Variants in PLEKHH2 observed in about 807,000 individuals in gnomAD.
The protein encoded by PLEKHH2 is pleckstrin homology domain-containing family H member 2.
PLEKHH2 carries 129 observed loss-of-function variants against 187.9 expected under a neutral mutation model. That is an observed-to-expected ratio of 0.69 (90% CI 0.59 to 0.79). The LOEUF (loss-of-function observed/expected upper bound fraction) is 0.79, where lower values mean the gene tolerates loss of function less well. Among genes scored for constraint, PLEKHH2 ranks in the 30% least tolerant of loss-of-function variants. PLEKHH2 has a pLI of 0.00. For synonymous variants in PLEKHH2, 686 were observed against 605.6 expected (o/e 1.13, Z -1.95); for missense variants, 2,076 against 1,751.2 (o/e 1.19, Z -3.31).
chr2:43,689,513 T>G (rs1323036096), intron 3 of PLEKHH2, among the ~76,000 whole-genome samples: 1 of 152,214 alleles, frequency 6.6e-6, no homozygotes, highest in Non-Finnish European at 1.5e-5. Flanking sequence ...TCCATATGGT[T>G]GTGGTGAGAT....
chr2:43,754,197 C>CAAAA (rs1339971889), intron 25 of PLEKHH2, among the ~76,000 whole-genome samples: 2 of 125,104 alleles, frequency 1.6e-5, no homozygotes, highest in African/African-American at 7.6e-5. Context: ...CACACACACA[C>CAAAA]ACACACACAA....
At chr2:43,747,109 C>CCCT (rs1671814983) in intron 24 of PLEKHH2, among the ~76,000 whole-genome samples, 73 of 126,270 alleles carry the variant, frequency 5.8e-4, no homozygotes, top group African/African-American at 2.1e-3. Flanking sequence ...TCTCTCTCTC[C>CCCT]CTCTCTCTCT....
At chr2:43,761,104 T>C (rs1177510643) in intron 27 of PLEKHH2, among the ~76,000 whole-genome samples, 1 of 152,188 alleles carries the variant, frequency 6.6e-6, no homozygotes, top group Non-Finnish European at 1.5e-5. Context: ...CCTTTGCAAA[T>C]CAGCCCTCAG....
chr2:43,683,780 C>T (rs991005548), intron 3 of PLEKHH2, among the ~76,000 whole-genome samples: 1 of 146,906 alleles, frequency 6.8e-6, no homozygotes, highest in African/African-American at 2.5e-5. Flanking sequence ...ATCTCTCTCT[C>T]TCTCTTTTTT....
At chr2:43,677,852 G>A (rs548609353) in intron 2 of PLEKHH2, among the ~76,000 whole-genome samples, 91 of 145,838 alleles carry the variant, frequency 6.2e-4, no homozygotes, top group African/African-American at 2.0e-3. Flanking sequence ...CCTCCCTCCC[G>A]GACGGGGCGG....
At chr2:43,705,251 CTTTTTTT>C (rs5830767) in intron 9 of PLEKHH2, among the ~76,000 whole-genome samples, 4 of 95,864 alleles carry the variant, frequency 4.2e-5, no homozygotes, top group African/African-American at 1.7e-4. Flanking sequence ...AAATTTTATC[CTTTTTTT>C]TTTTTTTTTT....
intron 11 of PLEKHH2, 148 bp from the exon 12 acceptor site, chr2:43,709,842 G>T (rs1436932501): frequency 1.2e-6 from 1 of 865,208 alleles, no homozygotes; most frequent in Non-Finnish European, 1.7e-6. Context: ...CTCAAAAAAA[G>T]TTATTTATGG....
At chr2:43,717,922 A>G (rs1670291022) in intron 15 of PLEKHH2, among the ~76,000 whole-genome samples, 1 of 152,228 alleles carries the variant, frequency 6.6e-6, no homozygotes, top group African/African-American at 2.4e-5. Flanking sequence ...TTATCATCCA[A>G]GAGTTTCACC....
intron 1 of PLEKHH2, among the ~76,000 whole-genome samples, chr2:43,638,482 AC>A: frequency 6.6e-6 from 1 of 152,354 alleles, no homozygotes; most frequent in South Asian, 2.1e-4. Flanking sequence ...CATTCACTCC[AC>A]AATTGTAAAC....
chr2:43,693,995 G>A (rs1443304726), intron 4 of PLEKHH2, among the ~76,000 whole-genome samples: 1 of 151,998 alleles, frequency 6.6e-6, no homozygotes, highest in Non-Finnish European at 1.5e-5. Context: ...TTTAAGGCTG[G>A]TAAATGAGAG....
chr2:43,718,927 A>G (rs1431847956), intron 15 of PLEKHH2, among the ~76,000 whole-genome samples: 4 of 152,286 alleles, frequency 2.6e-5, no homozygotes, highest in Non-Finnish European at 5.9e-5. Context: ...GGAGTTACTC[A>G]TTTGCTTAAA....
chr2:43,697,356 G>A lies in PLEKHH2; in HGVS notation c.688G>A (p.Glu230Lys). 1 of 1,599,588 alleles carries A rather than the reference G, an allele frequency of 6.3e-7. No homozygotes were observed. The highest frequency in any genetic ancestry group is 8.5e-7 in the Non-Finnish European group (1 of 1,172,742). ...GTTCACTGAAGGAAAAGACATGGAA[G>A]GTATTTATGAACTACAGGAATTGAC... The part of the protein sequence containing the change: ...PEFTEGKDME[E>K]MEIPEKSVDN... The change falls in exon 7 of 30, where the codon GAA becomes AAA. Residue 230 changes from glutamate (E) to lysine (K), a missense_variant and splice_region_variant. Coordinates refer to ENST00000282406, the MANE Select transcript of PLEKHH2 (RefSeq NM_172069.4).
intron 3 of PLEKHH2, among the ~76,000 whole-genome samples, chr2:43,689,719 C>G (rs1052893465): frequency 1.2e-4 from 18 of 152,124 alleles, no homozygotes; most frequent in Non-Finnish European, 2.2e-4. Flanking sequence ...CAATATTTTT[C>G]TTGCCTAGGA....
intron 24 of PLEKHH2, among the ~76,000 whole-genome samples, chr2:43,747,914 C>T (rs1362113724): frequency 6.6e-6 from 1 of 152,184 alleles, no homozygotes; most frequent in African/African-American, 2.4e-5. Context: ...TAGTCTATCC[C>T]ACAGAAATAT....
At position 43,697,159 on chromosome 2, in the gene PLEKHH2, A is replaced by C; in HGVS notation, c.503-12A>C. On this transcript the variant is annotated splice_polypyrimidine_tract_variant and intron_variant, in intron 6 of 29. Coordinates refer to ENST00000282406, the MANE Select transcript of PLEKHH2 (RefSeq NM_172069.4). ...AAAATTCAAATCTTAATTTTGATTA[A>C]CGATGTTGTAGAAGTTCAAGGAAAG... 2.6e-6 allele frequency: 4 copies of C among 1,541,976 alleles called. No individual in the cohort carries two copies. Among genetic ancestry groups the C allele is most frequent in the Non-Finnish European group, 2.6e-6 (3 of 1,144,294 alleles).
At chr2:43,683,674 A>G (rs1668352791) in intron 3 of PLEKHH2, among the ~76,000 whole-genome samples, 1 of 152,180 alleles carries the variant, frequency 6.6e-6, no homozygotes, top group Admixed American at 6.5e-5. Flanking sequence ...CCTGTAAAAT[A>G]TAGTTAGATC....
rs773800805 is a variant in PLEKHH2 at position 43,697,173 on chromosome 2, G to C, written c.505G>C (p.Val169Leu). Residue 169 changes from valine to leucine, a missense_variant and splice_region_variant, in exon 7 of 30, where the codon GTT becomes CTT. Coordinates refer to ENST00000282406, the MANE Select transcript of PLEKHH2 (RefSeq NM_172069.4). ...AATTTTGATTAACGATGTTGTAGAA[G>C]TTCAAGGAAAGAAGTCATCCACTGT... The part of the protein sequence containing the change: ...IRTMQSKLQE[V>L]QGKKSSTVST... 9.6e-6 allele frequency: 15 copies of C among 1,566,436 alleles called. No homozygotes were observed. The highest frequency in any genetic ancestry group is 1.3e-5 in the Non-Finnish European group (15 of 1,159,090).
intron 7 of PLEKHH2, among the ~76,000 whole-genome samples, chr2:43,698,323 C>A (rs969138054): frequency 1.3e-5 from 2 of 151,428 alleles, no homozygotes; most frequent in Non-Finnish European, 2.9e-5. Context: ...TCACAGCTCA[C>A]TGCGGCCTTG....
rs554664933 is a variant in PLEKHH2, at chr2:43,703,179, G to T, written c.1651-802G>T. Among the ~76,000 whole-genome samples, 386 of 152,266 alleles carry T rather than the reference G, an allele frequency of 2.5e-3. 2 individuals carry two copies. Among genetic ancestry groups the T allele is most frequent in the African/African-American group, 8.8e-3 (366 of 41,556 alleles). ...GAGGATGGCCTTAGTTGCCCACTGT[G>T]TCCTGGACAGTCAACTGTGTCCAAG... On this transcript the variant is annotated intron_variant, in intron 8 of 29. Coordinates refer to ENST00000282406, the MANE Select transcript of PLEKHH2 (RefSeq NM_172069.4).
Sources: gnomAD v4.1 joint callset for allele counts (sites outside exome capture counted in the v4.1 genomes callset) on GRCh38, gnomAD v4.1.1 for gene constraint, MANE v1.5 for transcripts, NCBI Gene and HGNC (gene_info 2026-07-23, HGNC 2026-07-21) for gene names.